The following TMA16 variants were observed in gnomAD, a reference collection of about 807,000 sequenced individuals.
The protein encoded by TMA16 is translation machinery-associated protein 16.
In TMA16, 26 loss-of-function variants were observed where a neutral mutation model predicts 27.1. The ratio of observed to expected loss-of-function variants is 0.96; its 90% CI spans 0.70 to 1.33. The LOEUF (loss-of-function observed/expected upper bound fraction) is 1.33. Ranked by LOEUF, TMA16 falls within the 40% of genes most tolerant of loss-of-function variation. The pLI is 0.00. For missense variants in TMA16, 233 were observed against 241.4 expected, an observed-to-expected ratio of 0.97 and a Z score of 0.23; for synonymous variants, 71 against 81.9, an observed-to-expected ratio of 0.87 and a Z score of 0.72.
intron 1 of TMA16, among the ~76,000 whole-genome samples, chr4:163,496,554 C>G (rs1737556038): frequency 6.6e-6 from 1 of 152,062 alleles, no homozygotes; most frequent in Non-Finnish European, 1.5e-5. Flanking sequence ...CCATTCCACT[C>G]AACACTTCTT....
chr4:163,496,942 G>A lies in TMA16; in HGVS notation c.3+2138G>A, dbSNP rs534060515. Among the ~76,000 whole-genome samples the A allele has an allele frequency of 5.0e-4, 76 of 152,248 alleles. 1 individual carries two copies. The South Asian group carries it at 0.012, about 25-fold the overall frequency. ...GCTGTGATTACAAGTGTGGGCCACCGTGCCCAGCCAGGATTTTAGTATTTT... is the reference window on the plus strand; with the variant it reads ...GCTGTGATTACAAGTGTGGGCCACCATGCCCAGCCAGGATTTTAGTATTTT... On this transcript the variant is annotated intron_variant, in intron 1 of 6. Transcript: ENST00000358572.
chr4:163,517,513 G>A, intron 6 of TMA16, 37 bp downstream of exon 6: 1 of 1,583,210 alleles, frequency 6.3e-7, no homozygotes, highest in Non-Finnish European at 8.6e-7. Context: ...GAAGCTGTGT[G>A]TAAAGTACCT....
chr4:163,516,759 TAAA>T (rs1464405480), intron 5 of TMA16, among the ~76,000 whole-genome samples: 1 of 152,194 alleles, frequency 6.6e-6, no homozygotes. Flanking sequence ...TTTTTTAATT[TAAA>T]AAAGTCTTTT....
At chr4:163,514,007 TA>T in intron 3 of TMA16, 66 bp from the exon 4 acceptor site, 1 of 1,218,270 alleles carries the variant, frequency 8.2e-7, no homozygotes, top group Non-Finnish European at 1.1e-6. Flanking sequence ...TTGAAAATGA[TA>T]ATGAATATTT....
Position 163,507,696 on chromosome 4 carries a change from C to T in TMA16, c.116+551C>T, listed in dbSNP as rs1159697333. Among the ~76,000 whole-genome samples, 2 of 151,862 alleles carry T rather than the reference C, an allele frequency of 1.3e-5. 1 individual carries two copies. The highest frequency in any genetic ancestry group is 2.9e-5 in the Non-Finnish European group (2 of 67,976). On this transcript the variant is annotated intron_variant, in intron 2 of 6. Coordinates refer to ENST00000358572, the MANE Select transcript of TMA16 (RefSeq NM_018352.3). ...ACTGTTGACAGGAAAGAGAAGAGAG[C>T]CAATTACTGAGTTCAGTGGCCCTCT... is the stretch of plus-strand genomic sequence containing the variant.
chr4:163,519,911 A>G lies in TMA16; in HGVS notation c.*397A>G, dbSNP rs1004633556. On this transcript the variant is annotated 3_prime_UTR_variant, in exon 7 of 7. Transcript: ENST00000358572. ...TACTTTTTGAGCTGTGATAATAGCA[A>G]AATTGTTTTTCGGTAATAATATCAC... The G allele has an allele frequency of 1.6e-5, 9 of 555,768 alleles. No homozygotes were observed. The highest frequency in any genetic ancestry group is 1.6e-4 in the African/African-American group (8 of 50,572). The allele number at this position is 555,768 out of a possible 1,614,324, so 34.4% of individuals were successfully genotyped here.
intron 1 of TMA16, 42 bp from the exon 2 acceptor site, chr4:163,506,991 A>G (rs1242604590): frequency 2.7e-6 from 4 of 1,482,594 alleles, no homozygotes; most frequent in Admixed American, 4.7e-5. Context: ...GAAGGCACTT[A>G]CATATCTGAC....
At chr4:163,506,874 A>G (rs1737724251) in intron 1 of TMA16, among the ~76,000 whole-genome samples, 159 bp from the exon 2 acceptor site, 2 of 152,194 alleles carry the variant, frequency 1.3e-5, no homozygotes. Context: ...AGAATTATTT[A>G]ATGATCCTGG....
chr4:163,507,274 C>G, intron 2 of TMA16, 129 bp downstream of exon 2: 1 of 816,784 alleles, frequency 1.2e-6, no homozygotes, highest in South Asian at 2.0e-5. Flanking sequence ...GTTCTGTATG[C>G]AGAGGGTGAA....
chr4:163,519,207 T>C (rs759113322), intron 6 of TMA16, 127 bp from the exon 7 acceptor site: 103 of 780,828 alleles, frequency 1.3e-4, no homozygotes, highest in Non-Finnish European at 1.9e-4. Context: ...CCTAATATTT[T>C]CCTTTAACGC....
rs372577804 is a variant in TMA16 at position 163,496,678 on chromosome 4, A to G, written c.3+1874A>G. On this transcript the variant is annotated intron_variant, in intron 1 of 6. Transcript: ENST00000358572. ...AGTGGCATGATCGCGGCTCATTGCA[A>G]CCTCCGCCTCCTGGATTCAAGTGAT... Among the ~76,000 whole-genome samples, 134 of 151,958 alleles carry G rather than the reference A, an allele frequency of 8.8e-4. 3 individuals carry two copies. The South Asian group carries it at 0.025, about 29-fold the overall frequency.
At chr4:163,509,564 C>CA (rs1291104894) in intron 2 of TMA16, among the ~76,000 whole-genome samples, 3 of 152,184 alleles carry the variant, frequency 2.0e-5, no homozygotes, top group African/African-American at 7.2e-5. Flanking sequence ...GCATTCATCT[C>CA]AGAGCTTGCT....
Position 163,514,131 on chromosome 4 carries a change from A to G in TMA16, c.212A>G (p.Lys71Arg), listed in dbSNP as rs1393844803. Residue 71 changes from lysine (K) to arginine (R), a missense_variant, in exon 4 of 7, where the codon AAG (lysine) becomes AGG (arginine). Coordinates refer to ENST00000358572, the MANE Select transcript of TMA16 (RefSeq NM_018352.3). ...GATCCCCAAAAAAAGAGATATTCAA[A>G]GAAAGATGCTTGTGAACTAATTGAA... The part of the protein sequence containing the change: ...HLDPQKKRYS[K>R]KDACELIERY... 2.5e-6 allele frequency: 4 copies of G among 1,608,916 alleles called. No individual in the cohort carries two copies. The highest frequency in any genetic ancestry group is 3.4e-6 in the Non-Finnish European group (4 of 1,177,960).
At chr4:163,514,484 A>G (rs1292702799) in intron 4 of TMA16, among the ~76,000 whole-genome samples, 1 of 152,208 alleles carries the variant, frequency 6.6e-6, no homozygotes, top group African/African-American at 2.4e-5. Flanking sequence ...AATGCCCAGA[A>G]GTGAGAATGA....
rs1165810572 is a variant in TMA16, at chr4:163,520,404, T to A, written c.*890T>A. 1.3e-5 allele frequency: 2 copies of A among 154,012 alleles called. No individual in the cohort carries two copies. Among genetic ancestry groups the A allele is most frequent in the Admixed American group, 1.3e-4 (2 of 15,310 alleles). The allele number at this position is 154,012 out of a possible 1,614,324, so 9.5% of individuals were successfully genotyped here. A position where few individuals can be genotyped will look rare whatever the true frequency, so the allele number is the denominator to read the frequency against. ...AGAGCACAATGTAGGTGTATTTGAG[T>A]ATTTTCAAGAAAAGAATAAAAACAT... On this transcript the variant is annotated 3_prime_UTR_variant, in exon 7 of 7. Transcript: ENST00000358572.
At chr4:163,511,198 T>A (rs1421971468) in intron 2 of TMA16, among the ~76,000 whole-genome samples, 3 of 152,168 alleles carry the variant, frequency 2.0e-5, no homozygotes, top group Non-Finnish European at 4.4e-5. Context: ...TTCTATTTGC[T>A]GTATATCCTC....
chr4:163,514,773 T>A (rs1579019984), intron 4 of TMA16, among the ~76,000 whole-genome samples: 1 of 152,322 alleles, frequency 6.6e-6, no homozygotes, highest in Middle Eastern at 3.4e-3. Context: ...AAGGTTGCTG[T>A]AACAATCCAG....
chr4:163,494,809 G>A lies in TMA16; in HGVS notation c.3+5G>A, dbSNP rs534363323. 6.2e-7 allele frequency: 1 copy of A among 1,611,860 alleles called. No homozygotes were observed. The highest frequency in any genetic ancestry group is 1.7e-5 in the Admixed American group (1 of 60,028). ...GGCCACGAGGACGTCACCATGGTGGGCCCCCTCCTGCTCCCCCGAACCGCT... is the reference window on the plus strand; with the variant it reads ...GGCCACGAGGACGTCACCATGGTGGACCCCCTCCTGCTCCCCCGAACCGCT... On this transcript the variant is annotated splice_donor_5th_base_variant and intron_variant, in intron 1 of 6. Coordinates refer to ENST00000358572, the MANE Select transcript of TMA16 (RefSeq NM_018352.3).
intron 1 of TMA16, among the ~76,000 whole-genome samples, chr4:163,506,194 C>A (rs4472093): frequency 0.41 from 62,437 of 151,842 alleles, 13,945 homozygotes; most frequent in Admixed American, 0.55. Context: ...ATTAGGCTGT[C>A]TTGAACTAGA....
Sources: gnomAD v4.1 joint callset for allele counts (sites outside exome capture counted in the v4.1 genomes callset) on GRCh38, gnomAD v4.1.1 for gene constraint, MANE v1.5 for transcripts, NCBI Gene and HGNC (gene_info 2026-07-23, HGNC 2026-07-21) for gene names.